TAFA5: variants seen among roughly 807,000 people sequenced by gnomAD.
TAFA5 encodes the protein chemokine-like protein TAFA-5.
Under a neutral mutation model 15.3 loss-of-function variants are expected in TAFA5, and 6 were observed. That is an observed-to-expected ratio of 0.39 (90% CI 0.21 to 0.77). TAFA5 has a LOEUF of 0.77. TAFA5 is among the 30% of genes least tolerant of loss of function. The pLI, the probability that TAFA5 is intolerant of heterozygous loss-of-function variation, is 0.41. For synonymous variants in TAFA5, 103 were observed against 80.7 expected (o/e 1.28, Z -1.48); for missense variants, 161 against 193.1 (o/e 0.83, Z 0.98).
At chr22:48,644,630 T>C (rs904698512) in intron 1 of TAFA5, among the ~76,000 whole-genome samples, 3 of 152,216 alleles carry the variant, frequency 2.0e-5, no homozygotes, top group African/African-American at 7.2e-5. Flanking sequence ...GCACATGTGA[T>C]GTCTGCCCTG....
chr22:48,721,879 G>A (rs1210142621), intron 3 of TAFA5, among the ~76,000 whole-genome samples: 1 of 152,156 alleles, frequency 6.6e-6, no homozygotes, highest in Non-Finnish European at 1.5e-5. Context: ...TGAGGCAGGA[G>A]AATCGCTTGA....
chr22:48,598,441 G>A lies in TAFA5; in HGVS notation c.113-48156G>A, dbSNP rs371696977. The stretch of plus-strand genomic sequence containing the variant: ...CGCTGTGATCGTGCTTAGTGTTTAT[G>A]GCGTGGGGCTGAGGGAGACCACACA... On this transcript the variant is annotated intron_variant, in intron 1 of 3. Transcript: ENST00000402357. This position sits in a 1 kb window ranked among gnomAD's most constrained non-coding sequence, Gnocchi z 4.0. Among the ~76,000 whole-genome samples, 3 of 152,186 alleles carry A rather than the reference G, an allele frequency of 2.0e-5. No individual in the cohort carries two copies. Among genetic ancestry groups the A allele is most frequent in the African/African-American group, 7.2e-5 (3 of 41,448 alleles).
At chr22:48,728,393 A>G (rs761278140) in intron 3 of TAFA5, among the ~76,000 whole-genome samples, 21 of 152,344 alleles carry the variant, frequency 1.4e-4, no homozygotes, top group Middle Eastern at 3.4e-3. Flanking sequence ...CTGGTGTCCA[A>G]TGCTGGATGG....
At chr22:48,713,625 C>T (rs763580809) in intron 3 of TAFA5, among the ~76,000 whole-genome samples, 1 of 152,204 alleles carries the variant, frequency 6.6e-6, no homozygotes, top group Admixed American at 6.5e-5. Context: ...AGAGCTCTCC[C>T]GTTGGCATCT....
intron 1 of TAFA5, among the ~76,000 whole-genome samples, chr22:48,602,302 C>A (rs1925003562): frequency 6.6e-6 from 1 of 152,228 alleles, no homozygotes; most frequent in Non-Finnish European, 1.5e-5. Flanking sequence ...CACCCCCCCA[C>A]AAGCACACCA....
chr22:48,546,623 G>A (rs1365734791), intron 1 of TAFA5: 4 of 471,034 alleles, frequency 8.5e-6, no homozygotes, highest in East Asian at 6.9e-5. Flanking sequence ...TCAAGAGTGC[G>A]TGAGGGCATG....
At chr22:48,727,665 A>G (rs755426189) in intron 3 of TAFA5, among the ~76,000 whole-genome samples, 3 of 152,242 alleles carry the variant, frequency 2.0e-5, no homozygotes, top group Non-Finnish European at 2.9e-5. Flanking sequence ...AGACTATCAA[A>G]TCAAGTGTTG....
Position 48,553,110 on chromosome 22 carries a change from A to G in TAFA5, c.112+63406A>G, listed in dbSNP as rs184413508. Reference sequence around the variant, plus strand: ...AGACCCTGCTGTTGCCTTCCTCTGGAAGCTTCCTCTCTAGACATCCTCCTG... The same window carrying G: ...AGACCCTGCTGTTGCCTTCCTCTGGGAGCTTCCTCTCTAGACATCCTCCTG... On this transcript the variant is annotated intron_variant, in intron 1 of 3. Transcript: ENST00000402357. 7.8e-4 allele frequency among the ~76,000 whole-genome samples: 119 copies of G among 152,042 alleles called. 1 individual carries two copies. The highest frequency in any genetic ancestry group is 3.3e-3 in the East Asian group (17 of 5,128).
chr22:48,647,996 G>A (rs1336053254), intron 2 of TAFA5, among the ~76,000 whole-genome samples: 1 of 152,216 alleles, frequency 6.6e-6, no homozygotes, highest in Non-Finnish European at 1.5e-5. Context: ...TGCAAAGCCA[G>A]AAGAAGATAG....
intron 1 of TAFA5, among the ~76,000 whole-genome samples, chr22:48,605,414 GTGAGGA>G (rs1204816437): frequency 3.6e-4 from 52 of 146,078 alleles, no homozygotes; most frequent in African/African-American, 5.9e-4. Flanking sequence ...GGTGGTGATG[GTGAGGA>G]TGGTGGTGGT....
At chr22:48,519,708 C>T (rs572074953) in intron 1 of TAFA5, among the ~76,000 whole-genome samples, 5 of 152,272 alleles carry the variant, frequency 3.3e-5, no homozygotes, top group East Asian at 3.9e-4. Context: ...GGGCTCCTCA[C>T]GGGCAACTAG....
rs1017901470 is a variant in TAFA5 at position 48,598,707 on chromosome 22, A to G, written c.113-47890A>G. 1.3e-5 allele frequency among the ~76,000 whole-genome samples: 2 copies of G among 152,080 alleles called. No homozygotes were observed. The highest frequency in any genetic ancestry group is 1.3e-4 in the Admixed American group (2 of 15,272). On this transcript the variant is annotated intron_variant, in intron 1 of 3. Transcript: ENST00000402357. This position sits in a 1 kb window ranked among gnomAD's most constrained non-coding sequence, Gnocchi z 4.0. Reference sequence around the variant, plus strand: ...GGCCATTTAATTAAATTGTCCTCCAATTTAATTCGGTTCTCAGACTACTCC... The same window carrying G: ...GGCCATTTAATTAAATTGTCCTCCAGTTTAATTCGGTTCTCAGACTACTCC...
intron 1 of TAFA5, among the ~76,000 whole-genome samples, chr22:48,616,806 G>A (rs1925622422): frequency 6.6e-6 from 1 of 152,204 alleles, no homozygotes; most frequent in Non-Finnish European, 1.5e-5. Flanking sequence ...CGTGGCTCTG[G>A]GCTCGGCAGA....
At chr22:48,700,755 A>C (rs927996645) in intron 2 of TAFA5, among the ~76,000 whole-genome samples, 9 of 152,202 alleles carry the variant, frequency 5.9e-5, no homozygotes, top group Non-Finnish European at 1.0e-4. Flanking sequence ...ACAGGTTCTC[A>C]GGACACTCAG....
At chr22:48,677,146 G>A (rs16999689) in intron 2 of TAFA5, among the ~76,000 whole-genome samples, 4,704 of 152,346 alleles carry the variant, frequency 0.031, 246 homozygotes, top group African/African-American at 0.11. Context: ...AGCTGTTTCC[G>A]GCACAGGCCA....
rs1222844549 is a variant in TAFA5 at position 48,527,298 on chromosome 22, G to A, written c.112+37594G>A. On this transcript the variant is annotated intron_variant, in intron 1 of 3. Transcript: ENST00000402357. ...CCCCAACTGCAGCCCAGGCCTGGGG[G>A]GTCTCTGAGATCTGCACTCAACCAG... Among the ~76,000 whole-genome samples, 3 of 152,236 alleles carry A rather than the reference G, an allele frequency of 2.0e-5. No homozygotes were observed. In the East Asian group the frequency reaches 5.8e-4, roughly 29 times the overall value.
intron 1 of TAFA5, among the ~76,000 whole-genome samples, chr22:48,541,160 A>C (rs1922357909): frequency 6.6e-6 from 1 of 152,096 alleles, no homozygotes; most frequent in Non-Finnish European, 1.5e-5. Context: ...ACCCAGAGAC[A>C]CCAGGACCCT....
chr22:48,604,097 A>G (rs28719105), intron 1 of TAFA5, among the ~76,000 whole-genome samples: 65,299 of 152,050 alleles, frequency 0.43, 14,256 homozygotes, highest in African/African-American at 0.48. Flanking sequence ...CAAGCTACCG[A>G]TGGATGAATT....
intron 1 of TAFA5, among the ~76,000 whole-genome samples, chr22:48,568,703 CT>C (rs1434440846): frequency 6.6e-6 from 1 of 152,220 alleles, no homozygotes; most frequent in African/African-American, 2.4e-5. Flanking sequence ...GGCCAGCGGT[CT>C]GGTCACAACG....
Sources: gnomAD v4.1 joint callset for allele counts (sites outside exome capture counted in the v4.1 genomes callset) on GRCh38, gnomAD v4.1.1 for gene constraint, Gnocchi (gnomAD v3.1) non-coding constraint, MANE v1.5 for transcripts, NCBI Gene and HGNC (gene_info 2026-07-23, HGNC 2026-07-21) for gene names.